TBCK: variants seen among roughly 807,000 people sequenced by gnomAD.
TBCK encodes TBC domain-containing protein kinase-like protein.
A neutral mutation model predicts 113.4 loss-of-function variants in TBCK; 99 were observed. The ratio of observed to expected loss-of-function variants is 0.87; its 90% CI spans 0.74 to 1.03. The LOEUF is 1.03. TBCK is among the 50% of genes least tolerant of loss of function. TBCK has a pLI of 0.00. For synonymous variants in TBCK, 369 were observed against 370.8 expected, an observed-to-expected ratio of 1.00 and a Z score of 0.05; for missense variants, 1,045 against 1,061.3, an observed-to-expected ratio of 0.98 and a Z score of 0.21.
chr4:106,087,455 T>A (rs1362612904), intron 25 of TBCK, among the ~76,000 whole-genome samples: 2 of 152,132 alleles, frequency 1.3e-5, no homozygotes, highest in African/African-American at 4.8e-5. Flanking sequence ...TGAAAAAACA[T>A]TCCATCCTCA....
chr4:106,109,430 T>C (rs937187508), intron 24 of TBCK, among the ~76,000 whole-genome samples: 3 of 152,020 alleles, frequency 2.0e-5, no homozygotes, highest in Admixed American at 6.5e-5. Flanking sequence ...AACAGGCACA[T>C]AGACTAATGG....
intron 3 of TBCK, among the ~76,000 whole-genome samples, chr4:106,279,087 T>C (rs1356053007): frequency 1.3e-5 from 2 of 152,148 alleles, no homozygotes; most frequent in Admixed American, 6.5e-5. Context: ...TATAGACCTT[T>C]TCTATACCTT....
chr4:106,114,904 T>C (rs1314546978), intron 24 of TBCK, among the ~76,000 whole-genome samples: 1 of 152,004 alleles, frequency 6.6e-6, no homozygotes, highest in Admixed American at 6.6e-5. Context: ...CATTCGGGAG[T>C]CCACTCATCC....
At position 106,043,541 on chromosome 4, in the gene TBCK, C is replaced by T. The variant is rs991123918; in HGVS notation, c.*3029G>A. ...TTATAGCTCCTGATCTTAAGCAGCTCATATTTTAATAGGGGACTAAATGTA... is the reference window on the plus strand; with the variant it reads ...TTATAGCTCCTGATCTTAAGCAGCTTATATTTTAATAGGGGACTAAATGTA... On this transcript the variant is annotated 3_prime_UTR_variant, in exon 26 of 26. Coordinates refer to ENST00000394708, the MANE Select transcript of TBCK (RefSeq NM_001163435.3). 1 of 152,030 alleles carries T rather than the reference C, an allele frequency of 6.6e-6. No individual in the cohort carries two copies. Among genetic ancestry groups the T allele is most frequent in the Non-Finnish European group, 1.5e-5 (1 of 67,990 alleles). The allele number at this position is 152,030 out of a possible 1,614,324, so 9.4% of individuals were successfully genotyped here. A position where few individuals can be genotyped will look rare whatever the true frequency, so the allele number is the denominator to read the frequency against.
chr4:106,088,906 C>G (rs1438727231), intron 25 of TBCK, among the ~76,000 whole-genome samples: 1 of 152,086 alleles, frequency 6.6e-6, no homozygotes, highest in Non-Finnish European at 1.5e-5. Flanking sequence ...GAGAGGGGAA[C>G]AATACACCCC....
intron 20 of TBCK, among the ~76,000 whole-genome samples, chr4:106,212,471 C>T (rs1756264959): frequency 6.6e-6 from 1 of 152,056 alleles, no homozygotes; most frequent in Non-Finnish European, 1.5e-5. Flanking sequence ...ATCATAAAAT[C>T]CAAGTGAAAA....
intron 1 of TBCK, chr4:106,310,626 T>C (rs4645291): frequency 0.15 from 23,522 of 152,112 alleles, 1,920 homozygotes; most frequent in South Asian, 0.25. Context: ...CCGGAATTTG[T>C]AGGACCCCAG....
At chr4:106,204,097 T>C (rs1755183016) in intron 20 of TBCK, among the ~76,000 whole-genome samples, 1 of 152,146 alleles carries the variant, frequency 6.6e-6, no homozygotes, top group Admixed American at 6.5e-5. Flanking sequence ...TCTAGTAATA[T>C]TAAATAAAGA....
intron 23 of TBCK, among the ~76,000 whole-genome samples, chr4:106,123,834 T>G (rs911566358): frequency 2.0e-5 from 3 of 148,260 alleles, no homozygotes; most frequent in Admixed American, 2.0e-4. Flanking sequence ...TCCTTACACC[T>G]TATACAAAAA....
intron 23 of TBCK, among the ~76,000 whole-genome samples, chr4:106,151,268 G>C (rs1397336307): frequency 6.6e-6 from 1 of 151,782 alleles, no homozygotes; most frequent in Non-Finnish European, 1.5e-5. Context: ...TAATCACCCT[G>C]TGCACCAGCA....
intron 3 of TBCK, among the ~76,000 whole-genome samples, chr4:106,268,349 G>A (rs1177387427): frequency 3.9e-5 from 6 of 151,938 alleles, no homozygotes; most frequent in Non-Finnish European, 8.8e-5. Flanking sequence ...CTTTCCCACT[G>A]TATCTTGAGT....
intron 23 of TBCK, among the ~76,000 whole-genome samples, chr4:106,120,118 G>A (rs113192918): frequency 5.9e-5 from 9 of 152,170 alleles, no homozygotes; most frequent in Non-Finnish European, 1.0e-4. Context: ...CGCACCGTGC[G>A]CGAGCCGAAG....
At chr4:106,150,940 C>T (rs1245984490) in intron 23 of TBCK, among the ~76,000 whole-genome samples, 1 of 151,868 alleles carries the variant, frequency 6.6e-6, no homozygotes, top group Non-Finnish European at 1.5e-5. Context: ...TCTGAGGGTC[C>T]AATGATAAGA....
intron 24 of TBCK, among the ~76,000 whole-genome samples, chr4:106,109,881 C>T (rs982523682): frequency 6.6e-6 from 1 of 152,142 alleles, no homozygotes; most frequent in Non-Finnish European, 1.5e-5. Context: ...TAGAAAGACA[C>T]AAACCTTCTT....
intron 3 of TBCK, among the ~76,000 whole-genome samples, chr4:106,285,074 G>C (rs1764983244): frequency 6.6e-6 from 1 of 152,066 alleles, no homozygotes; most frequent in South Asian, 2.1e-4. Context: ...GAAGAGAAAT[G>C]CTGGCAAGAT....
intron 11 of TBCK, among the ~76,000 whole-genome samples, chr4:106,244,253 T>C (rs190120993): frequency 7.8e-4 from 119 of 152,258 alleles, no homozygotes; most frequent in Non-Finnish European, 5.9e-5. Context: ...AAGAACATAG[T>C]TCTTCATAGT....
intron 25 of TBCK, among the ~76,000 whole-genome samples, chr4:106,063,690 T>C (rs1368915665): frequency 6.6e-6 from 1 of 151,708 alleles, no homozygotes; most frequent in Non-Finnish European, 1.5e-5. Flanking sequence ...AAGGTAATGA[T>C]ATTAGGAGGG....
At chr4:106,137,556 T>C (rs1210997378) in intron 23 of TBCK, among the ~76,000 whole-genome samples, 1 of 140,678 alleles carries the variant, frequency 7.1e-6, no homozygotes, top group Admixed American at 7.0e-5. Flanking sequence ...TTTAAAACAA[T>C]AAATTGTTTC....
chr4:106,265,400 G>A (rs1176140728), intron 3 of TBCK, among the ~76,000 whole-genome samples: 1 of 151,910 alleles, frequency 6.6e-6, no homozygotes, highest in African/African-American at 2.4e-5. Context: ...TGTACTTTCA[G>A]TTATTTTAAG....
Sources: gnomAD v4.1 joint callset for allele counts (sites outside exome capture counted in the v4.1 genomes callset) on GRCh38, gnomAD v4.1.1 for gene constraint, MANE v1.5 for transcripts, NCBI Gene and HGNC (gene_info 2026-07-23, HGNC 2026-07-21) for gene names.